Variants in COL20A1 observed in about 807,000 individuals in gnomAD.
COL20A1 encodes the protein collagen alpha-1(XX) chain.
A neutral mutation model predicts 152.9 loss-of-function variants in COL20A1; 164 were observed. The observed-to-expected ratio is 1.07, with a 90% CI of 0.94 to 1.22. The LOEUF (loss-of-function observed/expected upper bound fraction) is 1.22. Among genes scored for constraint, COL20A1 ranks in the 50% most tolerant of loss-of-function variants. The probability of loss-of-function intolerance (pLI) is 0.00; values close to 1 mark genes in which losing one functional copy is unlikely to be tolerated. For synonymous variants in COL20A1, 864 were observed against 756.0 expected (o/e 1.14, Z -2.34); for missense variants, 1,873 against 1,744.8 (o/e 1.07, Z -1.31).
intron 26 of COL20A1, among the ~76,000 whole-genome samples, chr20:63,321,317 C>G (rs2068159765): frequency 6.6e-6 from 1 of 152,160 alleles, no homozygotes; most frequent in African/African-American, 2.4e-5. Flanking sequence ...GCTGGGCCTC[C>G]CCTGCGAACC....
In COL20A1 at chr20:63,309,865, C is replaced by A. The variant is rs186757692; in HGVS notation, c.1213C>A (p.Leu405Ile). 10 of 1,611,828 alleles carry A rather than the reference C, an allele frequency of 6.2e-6. No individual in the cohort carries two copies. The East Asian group carries it at 2.0e-4, about 32-fold the overall frequency. Residue 405 changes from leucine (L) to isoleucine (I), a missense_variant, in exon 10 of 36, where the codon CTC becomes ATC. Physicochemically the swap from Leu to Ile is conservative, Grantham distance 5. Transcript: ENST00000358894. ...LSWTPAPRHPLKYLIVWRASR... is the reference protein window; with the variant it reads ...LSWTPAPRHPIKYLIVWRASR... ...CTGGACTCCAGCCCCCCGGCACCCC[C>A]TCAAGTATCTGATCGTTTGGCGAGC...
Position 63,333,140 on chromosome 20 carries a change from CTG to C in COL20A1, c.*2426_*2427del. On this transcript the variant is annotated 3_prime_UTR_variant, in exon 36 of 36. Coordinates refer to ENST00000358894, the MANE Select transcript of COL20A1 (RefSeq NM_020882.4). ...ACAGCTCTCCCCTCCAGAGGCCCCT[CTG>C]TAGTGGGCCTCGGTCCCCTCTCCAC... 6.6e-6 allele frequency: 1 copy of C among 152,360 alleles called. No homozygotes were observed. Among genetic ancestry groups the C allele is most frequent in the Non-Finnish European group, 1.5e-5 (1 of 68,216 alleles). 9.4% of individuals were successfully genotyped at this position (152,360 alleles called of 1,614,324 possible).
In COL20A1 at chr20:63,334,655, C is replaced by T. The variant is rs1210225805; in HGVS notation, c.*3939C>T. 1.3e-5 allele frequency: 2 copies of T among 152,224 alleles called. No homozygotes were observed. Among genetic ancestry groups the T allele is most frequent in the African/African-American group, 4.8e-5 (2 of 41,444 alleles). 9.4% of individuals were successfully genotyped at this position (152,224 alleles called of 1,614,324 possible). A position where few individuals can be genotyped will look rare whatever the true frequency, so the allele number is the denominator to read the frequency against. On this transcript the variant is annotated 3_prime_UTR_variant, in exon 36 of 36. Coordinates refer to ENST00000358894, the MANE Select transcript of COL20A1 (RefSeq NM_020882.4). ...CCCAGGCTGGTCTTGAACTTCTGAG[C>T]TCAAACGATCCACCCTCCTTGGCCT...
rs758362254 is a variant in COL20A1 at position 63,309,931 on chromosome 20, T to C, written c.1263+16T>C. ...CCCCAGGGAGGTGAGGGGGCCGGTA[T>C]ACAGGGCTCCCCGAGCCGGTCCTCA... On this transcript the variant is annotated intron_variant, in intron 10 of 35. Transcript: ENST00000358894. 2 of 1,576,972 alleles carry C rather than the reference T, an allele frequency of 1.3e-6. No individual in the cohort carries two copies. Among genetic ancestry groups the C allele is most frequent in the Non-Finnish European group, 1.7e-6 (2 of 1,162,550 alleles).
chr20:63,326,629 C>T, intron 30 of COL20A1, 123 bp from the exon 31 acceptor site: 1 of 608,822 alleles, frequency 1.6e-6, no homozygotes, highest in Non-Finnish European at 2.7e-6. Flanking sequence ...GAGGCTGGGG[C>T]CAGCCAGGCA....
intron 1 of COL20A1, 30 bp from the exon 2 acceptor site, chr20:63,295,068 C>T (rs1347232559): frequency 6.9e-7 from 1 of 1,439,136 alleles, no homozygotes; most frequent in Middle Eastern, 1.7e-4. Context: ...GGGGGGACGG[C>T]TGAAGGGCAT....
rs1205648675 is a variant in COL20A1, at chr20:63,306,027, C to A, written c.484C>A (p.Pro162Thr). Residue 162 changes from proline to threonine, a missense_variant, in exon 5 of 36, where the codon CCG (proline) becomes ACG (threonine). Physicochemically the swap from Pro to Thr is conservative, Grantham distance 38. Transcript: ENST00000358894. The surrounding 1 kb of genome is among the most constrained non-coding windows in gnomAD (Gnocchi z 6.9). ...AGTTGCCTTCACACCAAGCCAGGAT[C>A]CGCGCACTCCTGGTGGGTCAGAGTG... is the stretch of plus-strand genomic sequence containing the variant. ...PQVAFTPSQD[P>T]RTPAGPQFRC... The A allele has an allele frequency of 6.2e-7, 1 of 1,610,854 alleles. No individual in the cohort carries two copies. The highest frequency in any genetic ancestry group is 8.5e-7 in the Non-Finnish European group (1 of 1,178,804).
In COL20A1 at chr20:63,311,761, A is replaced by T. The variant is rs34976669; in HGVS notation, c.1663+13A>T. 70,484 of 1,582,622 alleles carry T rather than the reference A, an allele frequency of 0.045. 1,850 individuals are homozygous for T. Among genetic ancestry groups the T allele is most frequent in the Non-Finnish European group, 0.053 (62,096 of 1,170,564 alleles). On this transcript the variant is annotated intron_variant, in intron 13 of 35. Transcript: ENST00000358894. The surrounding 1 kb of genome is among the most constrained non-coding windows in gnomAD (Gnocchi z 4.4). ...CGTGCCAGGACCCGTGAGTGCTCCA[A>T]CCCCGGCTGCCTGCCCACAGGCGGG...
At chr20:63,327,858 C>A in intron 31 of COL20A1, 94 bp from the exon 32 acceptor site, 1 of 1,309,054 alleles carries the variant, frequency 7.6e-7, no homozygotes, top group South Asian at 1.3e-5. Context: ...ATCAGGCTGC[C>A]TGAGTGAGGA....
rs780750482 is a variant in COL20A1, at chr20:63,307,631, C to G, written c.638C>G (p.Pro213Arg). 6.2e-7 allele frequency: 1 copy of G among 1,612,420 alleles called. No individual in the cohort carries two copies. Among genetic ancestry groups the G allele is most frequent in the Admixed American group, 1.7e-5 (1 of 59,992 alleles). ...ASVIAPFEIG[P>R]DKVQVGLTQY... ...GTCATCGCACCCTTTGAAATCGGGCCGGATAAGGTCCAAGTAGGTGGGTGC... is the reference window on the plus strand; with the variant it reads ...GTCATCGCACCCTTTGAAATCGGGCGGGATAAGGTCCAAGTAGGTGGGTGC... The change falls in exon 6 of 36, where the codon CCG becomes CGG. Residue 213 changes from proline to arginine, a missense_variant. Pro to Arg is a moderately radical substitution (Grantham distance 103). Transcript: ENST00000358894.
rs1238116943 is a variant in COL20A1 at position 63,332,788 on chromosome 20, G to A, written c.*2072G>A. ...GGCCAATTAAAATGGCACAGCAAAGGCAGCGGCCAGCTGGTGCCCAGGCAG... is the reference window on the plus strand; with the variant it reads ...GGCCAATTAAAATGGCACAGCAAAGACAGCGGCCAGCTGGTGCCCAGGCAG... On this transcript the variant is annotated 3_prime_UTR_variant, in exon 36 of 36. Coordinates refer to ENST00000358894, the MANE Select transcript of COL20A1 (RefSeq NM_020882.4). 2 of 152,292 alleles carry A rather than the reference G, an allele frequency of 1.3e-5. No homozygotes were observed. The highest frequency in any genetic ancestry group is 2.4e-5 in the African/African-American group (1 of 41,452). 9.4% of individuals were successfully genotyped at this position (152,292 alleles called of 1,614,324 possible).
rs202207738 is a variant in COL20A1, at chr20:63,319,121, C to T, written c.2727C>T (p.Pro909=). The T allele has an allele frequency of 2.4e-4, 383 of 1,613,190 alleles. No homozygotes were observed. Among genetic ancestry groups the T allele is most frequent in the Admixed American group, 2.1e-3 (125 of 60,006 alleles). Residue 909 remains proline, a synonymous_variant, in exon 22 of 36, where the codon CCC becomes CCT. Coordinates refer to ENST00000358894, the MANE Select transcript of COL20A1 (RefSeq NM_020882.4). This position sits in a 1 kb window ranked among gnomAD's most constrained non-coding sequence, Gnocchi z 4.4. ...TCGTCTTCCTTGTGCGCCTACTTCC[C>T]GAGACACCCCGTGAGGCCTTCGCGC... ...HTIVFLVRLL[P]ETPREAFALW... is the part of the protein sequence containing the mutation.
chr20:63,294,563 C>T (rs938136249), intron 1 of COL20A1, among the ~76,000 whole-genome samples: 8 of 152,096 alleles, frequency 5.3e-5, no homozygotes, highest in Non-Finnish European at 1.0e-4. Flanking sequence ...CGGCTGGCGT[C>T]CCCCAGACCC....
chr20:63,314,196 A>G lies in COL20A1; in HGVS notation c.2483A>G (p.Gln828Arg). The part of the protein sequence containing the change: ...GRSEAVSATG[Q>R]TACPALRPDG... ...AGTGAGGCTGTGTCTGCCACGGGCCAGACAGGTGAGTGGGCACCAAGACCC... is the reference window on the plus strand; with the variant it reads ...AGTGAGGCTGTGTCTGCCACGGGCCGGACAGGTGAGTGGGCACCAAGACCC... Residue 828 changes from glutamine (Q) to arginine (R), a missense_variant, in exon 19 of 36, where the codon CAG becomes CGG. Physicochemically the swap from Gln to Arg is conservative, Grantham distance 43. Transcript: ENST00000358894. 6.4e-7 allele frequency: 1 copy of G among 1,559,152 alleles called. No homozygotes were observed. The highest frequency in any genetic ancestry group is 8.7e-7 in the Non-Finnish European group (1 of 1,151,788).
rs759451546 is a variant in COL20A1 at position 63,329,651 on chromosome 20, G to A, written c.3848G>A (p.Trp1283Ter). ...GQQGASTQGL[W>*]E Reference sequence around the variant, plus strand: ...CAGGGGGCTAGCACCCAGGGCCTCTGGGAGTGACAGGTGAGCCCCTGCTGC... The same window carrying A: ...CAGGGGGCTAGCACCCAGGGCCTCTAGGAGTGACAGGTGAGCCCCTGCTGC... The change falls in exon 35 of 36, where the codon TGG becomes TAG. Residue 1283 changes from tryptophan (W) to a stop codon, truncating the protein, a stop_gained. Coordinates refer to ENST00000358894, the MANE Select transcript of COL20A1 (RefSeq NM_020882.4). LOFTEE classifies it high-confidence loss of function. 4.4e-6 allele frequency: 7 copies of A among 1,590,888 alleles called. No homozygotes were observed. In the South Asian group the frequency reaches 6.8e-5, roughly 15 times the overall value.
Position 63,319,009 on chromosome 20 carries a change from G to C in COL20A1, c.2664-49G>C. 1 of 1,522,862 alleles carries C rather than the reference G, an allele frequency of 6.6e-7. No individual in the cohort carries two copies. The allele number at this position is 1,522,862 out of a possible 1,614,324, so 94.3% of individuals were successfully genotyped here. A position where few individuals can be genotyped will look rare whatever the true frequency, so the allele number is the denominator to read the frequency against. On this transcript the variant is annotated intron_variant, in intron 21 of 35. Transcript: ENST00000358894. This position sits in a 1 kb window ranked among gnomAD's most constrained non-coding sequence, Gnocchi z 4.4. The stretch of plus-strand genomic sequence containing the variant: ...CGAGCGGATCGTTCTGCCAGGTTTG[G>C]CTGCCCTTGGGTCTGCTCATGTGCC...
intron 19 of COL20A1, 27 bp from the exon 20 acceptor site, chr20:63,315,377 C>G: frequency 1.3e-6 from 2 of 1,564,880 alleles, no homozygotes; most frequent in Non-Finnish European, 1.7e-6. Flanking sequence ...CGCTCCCACT[C>G]ACACTGACCC....
chr20:63,309,537 G>A (rs898670851), intron 9 of COL20A1, 40 bp downstream of exon 9: 15 of 1,448,696 alleles, frequency 1.0e-5, no homozygotes, highest in African/African-American at 2.9e-5. Flanking sequence ...CAGCCCCCCC[G>A]GCTGCTTTGG....
chr20:63,332,290 C>A lies in COL20A1; in HGVS notation c.*1574C>A, dbSNP rs2068342736. The A allele has an allele frequency of 6.6e-6, 1 of 152,314 alleles. No individual in the cohort carries two copies. The highest frequency in any genetic ancestry group is 1.5e-5 in the Non-Finnish European group (1 of 68,108). 9.4% of individuals were successfully genotyped at this position (152,314 alleles called of 1,614,324 possible). ...TGTTGAGAGCAGCAGCCCAAGCCAG[C>A]CCCTCCGTCCTGCAGGGAGGACACC... is the stretch of plus-strand genomic sequence containing the variant. On this transcript the variant is annotated 3_prime_UTR_variant, in exon 36 of 36. Transcript: ENST00000358894.
Sources: allele counts gnomAD v4.1 joint callset (sites outside exome capture counted in the v4.1 genomes callset), GRCh38; gene constraint gnomAD v4.1.1; non-coding constraint Gnocchi (gnomAD v3.1); transcripts MANE v1.5; gene names NCBI Gene and HGNC (gene_info 2026-07-23, HGNC 2026-07-21).